The following WDFY3 variants were observed in gnomAD, a reference collection of about 807,000 sequenced individuals.
The protein encoded by WDFY3 is WD repeat and FYVE domain-containing protein 3.
In WDFY3, 66 loss-of-function variants were observed where a neutral mutation model predicts 409.6. The ratio of observed to expected loss-of-function variants is 0.16; its 90% CI spans 0.13 to 0.20. The LOEUF (loss-of-function observed/expected upper bound fraction) is 0.20, where lower values mean the gene tolerates loss of function less well. WDFY3 is among the 10% of genes least tolerant of loss of function. The probability of loss-of-function intolerance (pLI) is 1.00; values close to 1 mark genes in which losing one functional copy is unlikely to be tolerated. For synonymous variants in WDFY3, 1,521 were observed against 1,537.1 expected (o/e 0.99, Z 0.25); for missense variants, 3,031 against 4,298.1 (o/e 0.71, Z 8.24).
intron 6 of WDFY3, among the ~76,000 whole-genome samples, chr4:84,840,361 T>C (rs1016778870): frequency 6.6e-6 from 1 of 152,200 alleles, no homozygotes; most frequent in East Asian, 1.9e-4. Context: ...GTTTCCTTAT[T>C]TCCCATTAAA....
chr4:84,779,210 A>T (rs1471622441), intron 26 of WDFY3, among the ~76,000 whole-genome samples: 12 of 152,190 alleles, frequency 7.9e-5, no homozygotes, highest in Admixed American at 7.9e-4. Context: ...AATCATTTTG[A>T]AAGTTTTGCA....
In WDFY3 at chr4:84,783,164, A is replaced by G. The variant is rs577627260; in HGVS notation, c.4063-90T>C. The G allele has an allele frequency of 6.8e-6, 8 of 1,170,378 alleles. No homozygotes were observed. The South Asian group carries it at 6.9e-5, about 10-fold the overall frequency. The allele number at this position is 1,170,378 out of a possible 1,614,324, so 72.5% of individuals were successfully genotyped here. A position where few individuals can be genotyped will look rare whatever the true frequency, so the allele number is the denominator to read the frequency against. On this transcript the variant is annotated intron_variant, in intron 24 of 67. Coordinates refer to ENST00000295888, the MANE Select transcript of WDFY3 (RefSeq NM_014991.6). ...AGAAACCAAACACATGAATGGTAAC[A>G]TATCTTTTCTCTCCTCCCTTATCAG...
chr4:84,925,828 CCT>C (rs756774738), intron 2 of WDFY3, among the ~76,000 whole-genome samples: 37 of 151,892 alleles, frequency 2.4e-4, no homozygotes, highest in Non-Finnish European at 5.1e-4. Flanking sequence ...GTGCCACACC[CCT>C]CTCTAAAATG....
intron 1 of WDFY3, among the ~76,000 whole-genome samples, chr4:84,960,574 G>A (rs1401496508): frequency 6.6e-6 from 1 of 152,002 alleles, no homozygotes. Flanking sequence ...TCATTATTAC[G>A]GGGTACTCAA....
At chr4:84,824,277 ACT>A (rs1754516401) in intron 10 of WDFY3, among the ~76,000 whole-genome samples, 1 of 152,022 alleles carries the variant, frequency 6.6e-6, no homozygotes, top group Non-Finnish European at 1.5e-5. Context: ...CATTTACATA[ACT>A]TTTATTATTG....
chr4:84,693,520 ATCT>A lies in WDFY3; in HGVS notation c.8902-491_8902-489del, dbSNP rs1729596985. 6.6e-5 allele frequency among the ~76,000 whole-genome samples: 10 copies of A among 152,290 alleles called. No homozygotes were observed. In the South Asian group the frequency reaches 2.1e-3, roughly 32 times the overall value. On this transcript the variant is annotated intron_variant, in intron 58 of 67. Transcript: ENST00000295888. ...ATTTGCTGAAAGTGTGAATATTATC[ATCT>A]TCTTTGTGCTTTGCTATGTTGTAAA...
At chr4:84,705,566 T>C (rs1731787973) in intron 53 of WDFY3, 55 bp from the exon 54 acceptor site, 1 of 1,352,432 alleles carries the variant, frequency 7.4e-7, no homozygotes, top group African/African-American at 1.4e-5. Flanking sequence ...CTAGCCTCAC[T>C]AACGTAGATA....
At chr4:84,950,890 T>C (rs1176744143) in intron 1 of WDFY3, among the ~76,000 whole-genome samples, 1 of 152,228 alleles carries the variant, frequency 6.6e-6, no homozygotes, top group Non-Finnish European at 1.5e-5. Flanking sequence ...GTGTCAAATG[T>C]ACTCAGCTTA....
chr4:84,732,672 C>T (rs1183914340), intron 44 of WDFY3, among the ~76,000 whole-genome samples: 1 of 152,042 alleles, frequency 6.6e-6, no homozygotes, highest in African/African-American at 2.4e-5. Context: ...ATAATGTCCT[C>T]CAGGTTCTTA....
intron 5 of WDFY3, 159 bp downstream of exon 5, chr4:84,849,743 C>T: frequency 9.8e-7 from 1 of 1,017,624 alleles, no homozygotes; most frequent in Non-Finnish European, 1.4e-6. Flanking sequence ...GATGCTGAAA[C>T]CAGGAAAAGA....
At position 84,904,555 on chromosome 4, in the gene WDFY3, A is replaced by G. The variant is rs540920647; in HGVS notation, c.-131-7545T>C. 5.3e-5 allele frequency among the ~76,000 whole-genome samples: 8 copies of G among 152,320 alleles called. No individual in the cohort carries two copies. The South Asian group carries it at 1.2e-3, about 24-fold the overall frequency. ...GCCAAAAATTTTTAAAAATAAATAA[A>G]TAAGAAAGCACGTTTTAATATAAAC... On this transcript the variant is annotated intron_variant, in intron 2 of 67. Transcript: ENST00000295888.
At chr4:84,695,499 C>CAGAGAGAGACAGAG (rs1217791319) in intron 58 of WDFY3, among the ~76,000 whole-genome samples, 7 of 73,120 alleles carry the variant, frequency 9.6e-5, no homozygotes, top group African/African-American at 2.7e-4. Flanking sequence ...CACACAGAGA[C>CAGAGAGAGACAGAG]AGAGAGAGAT....
intron 2 of WDFY3, among the ~76,000 whole-genome samples, chr4:84,925,868 A>G (rs928102734): frequency 3.3e-5 from 5 of 152,070 alleles, no homozygotes; most frequent in African/African-American, 1.2e-4. Context: ...TATATGTGGC[A>G]AAATGTTGGT....
intron 15 of WDFY3, among the ~76,000 whole-genome samples, chr4:84,807,191 A>G (rs1751659381): frequency 6.6e-6 from 1 of 152,196 alleles, no homozygotes; most frequent in Non-Finnish European, 1.5e-5. Context: ...AAAATACACG[A>G]TATCAACTCA....
chr4:84,857,635 G>A (rs1232560709), intron 4 of WDFY3, among the ~76,000 whole-genome samples: 1 of 151,628 alleles, frequency 6.6e-6, no homozygotes, highest in Non-Finnish European at 1.5e-5. Context: ...CCCTGAATAG[G>A]GCTTAAAACA....
chr4:84,676,170 A>G (rs937562703), intron 67 of WDFY3, among the ~76,000 whole-genome samples: 5 of 152,208 alleles, frequency 3.3e-5, no homozygotes, highest in African/African-American at 1.2e-4. Context: ...TGCAAGATAT[A>G]TAAAAAACAA....
chr4:84,718,702 G>T, intron 47 of WDFY3, 132 bp from the exon 48 acceptor site: 2 of 1,103,830 alleles, frequency 1.8e-6, no homozygotes, highest in Non-Finnish European at 2.5e-6. Context: ...ATTAAGCTTA[G>T]ATTACAGTCT....
chr4:84,684,247 A>C, intron 62 of WDFY3, 122 bp from the exon 63 acceptor site: 2 of 865,136 alleles, frequency 2.3e-6, no homozygotes, highest in East Asian at 6.0e-5. Context: ...ACTAGTGGCT[A>C]ATTTCTTAGG....
chr4:84,819,533 A>C (rs906627697), intron 12 of WDFY3, among the ~76,000 whole-genome samples: 6 of 152,112 alleles, frequency 3.9e-5, no homozygotes. Flanking sequence ...ATCTTTTTTA[A>C]AAAGCAAGAG....
Sources: allele counts gnomAD v4.1 joint callset (sites outside exome capture counted in the v4.1 genomes callset), GRCh38; gene constraint gnomAD v4.1.1; transcripts MANE v1.5; gene names NCBI Gene and HGNC (gene_info 2026-07-23, HGNC 2026-07-21).